The following TOLLIP variants were observed in gnomAD, a reference collection of about 807,000 sequenced individuals.
TOLLIP encodes toll-interacting protein.
TOLLIP carries 16 observed loss-of-function variants against 33.5 expected under a neutral mutation model. That is an observed-to-expected ratio of 0.48 (90% CI 0.32 to 0.72). The LOEUF (loss-of-function observed/expected upper bound fraction) is 0.72. Ranked by LOEUF, TOLLIP falls within the 30% of genes least tolerant of loss-of-function variation. The probability of loss-of-function intolerance (pLI) is 0.03; values close to 1 mark genes in which losing one functional copy is unlikely to be tolerated. For synonymous variants in TOLLIP, 176 were observed against 163.7 expected (o/e 1.07, Z -0.57); for missense variants, 325 against 396.6 (o/e 0.82, Z 1.53).
At position 1,308,740 on chromosome 11, in the gene TOLLIP, C is replaced by A. The variant is rs1309947241; in HGVS notation, c.33+726G>T. ...GCACGGTGGCCACTAACCGGGGACA[C>A]AATTGGGCCCAAGAAGTGGTCACCA... On this transcript the variant is annotated intron_variant, in intron 1 of 5. Coordinates refer to ENST00000317204, the MANE Select transcript of TOLLIP (RefSeq NM_019009.4). Among the ~76,000 whole-genome samples the A allele has an allele frequency of 3.9e-5, 6 of 152,252 alleles. No individual in the cohort carries two copies. The East Asian group carries it at 1.2e-3, about 29-fold the overall frequency.
At chr11:1,302,776 C>T (rs1864320791) in intron 1 of TOLLIP, 1 of 985,494 alleles carries the variant, frequency 1.0e-6, no homozygotes. Flanking sequence ...GGCAAGGCAG[C>T]TCCCACGCCA....
In TOLLIP at chr11:1,278,630, GCT is replaced by G. The variant is rs1431358029; in HGVS notation, c.611-1379_611-1378del. ...CCACCCCTGCCTCCTCTGCTTCTCG[GCT>G]CTCTCAGGGCCAGGCCCACCTTTCC... On this transcript the variant is annotated intron_variant, in intron 5 of 5. Coordinates refer to ENST00000317204, the MANE Select transcript of TOLLIP (RefSeq NM_019009.4). The surrounding 1 kb of genome is among the most constrained non-coding windows in gnomAD (Gnocchi z 4.7). Among the ~76,000 whole-genome samples, 1 of 152,100 alleles carries G rather than the reference GCT, an allele frequency of 6.6e-6. No individual in the cohort carries two copies. The highest frequency in any genetic ancestry group is 1.5e-5 in the Non-Finnish European group (1 of 68,024).
chr11:1,279,184 G>A (rs1347976209), intron 5 of TOLLIP, among the ~76,000 whole-genome samples: 8 of 152,246 alleles, frequency 5.3e-5, no homozygotes, highest in Non-Finnish European at 1.5e-5. Context: ...GACAATGAGG[G>A]GATGTGGCGC....
chr11:1,291,835 C>A (rs1443049464), intron 2 of TOLLIP: 1 of 160,764 alleles, frequency 6.2e-6, no homozygotes, highest in Non-Finnish European at 1.4e-5. Flanking sequence ...CCTCTGAGGG[C>A]ACGGCCGCCC....
intron 2 of TOLLIP, among the ~76,000 whole-genome samples, chr11:1,293,096 T>C (rs1864005309): frequency 1.3e-5 from 2 of 152,122 alleles, no homozygotes; most frequent in African/African-American, 4.8e-5. Context: ...AGGTGGCGCC[T>C]GTGCTGAGGG....
intron 1 of TOLLIP, chr11:1,302,549 T>C (rs1056540331): frequency 7.5e-5 from 74 of 983,988 alleles, no homozygotes; most frequent in Non-Finnish European, 8.6e-5. Context: ...CCCACCACCC[T>C]TCACAGCACC....
At chr11:1,306,828 G>A (rs183751330) in intron 1 of TOLLIP, among the ~76,000 whole-genome samples, 88 of 151,926 alleles carry the variant, frequency 5.8e-4, no homozygotes, top group African/African-American at 2.0e-3. Flanking sequence ...TCGGCCCCTG[G>A]GGCTCCCTCC....
chr11:1,286,237 G>A (rs893506926), intron 4 of TOLLIP, 145 bp from the exon 5 acceptor site: 8 of 640,214 alleles, frequency 1.2e-5, no homozygotes, highest in South Asian at 5.5e-5. Context: ...CTCGCTACAC[G>A]AGCCCTGAGT....
At chr11:1,309,331 G>T (rs1464058641) in intron 1 of TOLLIP, 135 bp downstream of exon 1, 3 of 425,130 alleles carry the variant, frequency 7.1e-6, no homozygotes, top group African/African-American at 2.1e-5. Flanking sequence ...CCCTCCGGCC[G>T]GCCAGGCGCC....
intron 3 of TOLLIP, 137 bp from the exon 4 acceptor site, chr11:1,288,913 C>G: frequency 1.1e-6 from 1 of 903,318 alleles, no homozygotes; most frequent in South Asian, 1.8e-5. Flanking sequence ...AACACCCCAT[C>G]GATGAGACCC....
chr11:1,309,130 G>C (rs897814956), intron 1 of TOLLIP, among the ~76,000 whole-genome samples: 1 of 151,708 alleles, frequency 6.6e-6, no homozygotes, highest in African/African-American at 2.4e-5. Context: ...TGGGGAGCGG[G>C]GCCTGCCTCC....
At chr11:1,293,328 G>A (rs1243795804) in intron 2 of TOLLIP, among the ~76,000 whole-genome samples, 2 of 152,246 alleles carry the variant, frequency 1.3e-5, no homozygotes, top group Non-Finnish European at 2.9e-5. Flanking sequence ...CTGGGGTGGA[G>A]CTGAGTGGTC....
At position 1,278,479 on chromosome 11, in the gene TOLLIP, G is replaced by A. The variant is rs1047048901; in HGVS notation, c.611-1226C>T. On this transcript the variant is annotated intron_variant, in intron 5 of 5. Coordinates refer to ENST00000317204, the MANE Select transcript of TOLLIP (RefSeq NM_019009.4). The surrounding 1 kb of genome is among the most constrained non-coding windows in gnomAD (Gnocchi z 4.7). Reference sequence around the variant, plus strand: ...AACACCAGCAACAAGACCTGCAGGGGTGTAAACGGAGCAGACAGGGCTTGC... The same window carrying A: ...AACACCAGCAACAAGACCTGCAGGGATGTAAACGGAGCAGACAGGGCTTGC... 6.6e-6 allele frequency among the ~76,000 whole-genome samples: 1 copy of A among 152,200 alleles called. No homozygotes were observed. Among genetic ancestry groups the A allele is most frequent in the African/African-American group, 2.4e-5 (1 of 41,460 alleles).
At chr11:1,302,944 C>T (rs896897551) in intron 1 of TOLLIP, among the ~76,000 whole-genome samples, 1 of 152,204 alleles carries the variant, frequency 6.6e-6, no homozygotes, top group African/African-American at 2.4e-5. Context: ...TTCCCTCTTC[C>T]TATCACCCCC....
Position 1,277,433 on chromosome 11 carries a change from C to T in TOLLIP, c.611-180G>A, listed in dbSNP as rs1013598788. Among the ~76,000 whole-genome samples, 3 of 152,200 alleles carry T rather than the reference C, an allele frequency of 2.0e-5. No homozygotes were observed. The highest frequency in any genetic ancestry group is 2.0e-4 in the Admixed American group (3 of 15,282). On this transcript the variant is annotated intron_variant, in intron 5 of 5. Coordinates refer to ENST00000317204, the MANE Select transcript of TOLLIP (RefSeq NM_019009.4). This position sits in a 1 kb window ranked among gnomAD's most constrained non-coding sequence, Gnocchi z 4.2. ...GGAAAGGCAAACCCCCAAACAGCAA[C>T]CCCAGGCACAGCCACGGGGAAGGTG...
chr11:1,295,451 T>A (rs1006435065), intron 2 of TOLLIP, 194 bp downstream of exon 2: 5 of 632,810 alleles, frequency 7.9e-6, no homozygotes, highest in Non-Finnish European at 1.3e-5. Context: ...TTGAGTTATG[T>A]TTGGTAGAAC....
At chr11:1,284,732 G>A (rs1176123786) in intron 5 of TOLLIP, among the ~76,000 whole-genome samples, 1 of 152,216 alleles carries the variant, frequency 6.6e-6, no homozygotes, top group Admixed American at 6.5e-5. Context: ...GAGAAAGGCA[G>A]CCCTGGCACC....
intron 3 of TOLLIP, chr11:1,289,972 C>A (rs997608623): frequency 4.0e-6 from 2 of 495,506 alleles, no homozygotes; most frequent in African/African-American, 3.8e-5. Flanking sequence ...GGAGGGGACA[C>A]GTGCACGCTG....
Position 1,290,840 on chromosome 11 carries a change from C to T in TOLLIP, c.184-431G>A, listed in dbSNP as rs1411110428. The stretch of plus-strand genomic sequence containing the variant: ...GCATGATGACCCGGGAGAGGTGCAT[C>T]CTCGCTCTAGGTGAGAGTGAGGACA... On this transcript the variant is annotated intron_variant, in intron 2 of 5. Coordinates refer to ENST00000317204, the MANE Select transcript of TOLLIP (RefSeq NM_019009.4). This position sits in a 1 kb window ranked among gnomAD's most constrained non-coding sequence, Gnocchi z 4.9. The T allele has an allele frequency of 5.8e-6, 1 of 171,280 alleles. No homozygotes were observed. Among genetic ancestry groups the T allele is most frequent in the Admixed American group, 5.7e-5 (1 of 17,640 alleles). 10.6% of individuals were successfully genotyped at this position (171,280 alleles called of 1,614,324 possible).
Sources: gnomAD v4.1 joint callset for allele counts (sites outside exome capture counted in the v4.1 genomes callset) on GRCh38, gnomAD v4.1.1 for gene constraint, Gnocchi (gnomAD v3.1) non-coding constraint, MANE v1.5 for transcripts, NCBI Gene and HGNC (gene_info 2026-07-23, HGNC 2026-07-21) for gene names.